The following AFG2A variants were observed in gnomAD, a reference collection of about 807,000 sequenced individuals.
AFG2A encodes the protein AAA ATPase AFG2A, also known as ATPase family gene 2 protein homolog A.
chr4:123,211,070 A>G, the AFG2A span, among the ~76,000 whole-genome samples: 124,376 of 152,114 alleles, frequency 0.82, 51,339 homozygotes, highest in Non-Finnish European at 0.86. Flanking sequence ...ATTTTTCTCA[A>G]TGTCTCCAAA....
the AFG2A span, among the ~76,000 whole-genome samples, chr4:123,115,567 T>A: frequency 6.6e-6 from 1 of 152,070 alleles, no homozygotes; most frequent in Non-Finnish European, 1.5e-5. Context: ...GACCCCTCCA[T>A]GCCAGACCGT....
chr4:122,927,894 T>C, the AFG2A span: 1 of 1,234,748 alleles, frequency 8.1e-7, no homozygotes, highest in Non-Finnish European at 1.1e-6. Context: ...GATTTCAGAT[T>C]TGGGATGCTT....
At chr4:122,990,315 T>C in the AFG2A span, among the ~76,000 whole-genome samples, 1 of 152,204 alleles carries the variant, frequency 6.6e-6, no homozygotes, top group Non-Finnish European at 1.5e-5. Context: ...CTGCCACCTT[T>C]CCATCATCAG....
At chr4:123,041,814 C>T in the AFG2A span, among the ~76,000 whole-genome samples, 8 of 152,128 alleles carry the variant, frequency 5.3e-5, no homozygotes, top group African/African-American at 1.9e-4. Context: ...AGGCGTGATC[C>T]ACTGCATCTG....
the AFG2A span, among the ~76,000 whole-genome samples, chr4:123,126,346 A>G: frequency 0.012 from 1,903 of 152,248 alleles, 38 homozygotes; most frequent in African/African-American, 0.043. Flanking sequence ...AATTGGCTCT[A>G]CAAATCTTTT....
At chr4:122,949,525 T>C in the AFG2A span, among the ~76,000 whole-genome samples, 2 of 152,196 alleles carry the variant, frequency 1.3e-5, no homozygotes, top group South Asian at 4.1e-4. Context: ...GTCTGTTTTC[T>C]TCTGGAGAGA....
chr4:123,171,632 C>T, the AFG2A span, among the ~76,000 whole-genome samples: 1 of 152,066 alleles, frequency 6.6e-6, no homozygotes, highest in African/African-American at 2.4e-5. Context: ...GTTAATTATC[C>T]ATCTTCCCCT....
At chr4:122,983,797 C>A in the AFG2A span, among the ~76,000 whole-genome samples, 1 of 152,196 alleles carries the variant, frequency 6.6e-6, no homozygotes, top group Non-Finnish European at 1.5e-5. Flanking sequence ...AGATGGTTCA[C>A]ATCACAGGAC....
chr4:123,096,366 A>G, the AFG2A span, among the ~76,000 whole-genome samples: 9 of 152,196 alleles, frequency 5.9e-5, no homozygotes, highest in South Asian at 8.3e-4. Flanking sequence ...GAGTTTAGAA[A>G]CAAACAACTA....
chr4:123,259,588 TTCTC>T, the AFG2A span, among the ~76,000 whole-genome samples: 213 of 152,374 alleles, frequency 1.4e-3, no homozygotes, highest in African/African-American at 4.8e-3. Context: ...AGAAGGGAAT[TTCTC>T]TCAGGAGGAA....
At chr4:123,202,069 A>G in the AFG2A span, among the ~76,000 whole-genome samples, 6 of 152,208 alleles carry the variant, frequency 3.9e-5, no homozygotes, top group Non-Finnish European at 2.9e-5. Context: ...TAAACTAGTA[A>G]TTTAATGCTT....
the AFG2A span, among the ~76,000 whole-genome samples, chr4:123,179,284 T>C: frequency 2.0e-5 from 3 of 151,974 alleles, no homozygotes; most frequent in African/African-American, 7.2e-5. Context: ...TCTGCAGTTC[T>C]TAAAATTGTC....
the AFG2A span, among the ~76,000 whole-genome samples, chr4:123,198,829 T>C: frequency 3.5e-4 from 54 of 152,312 alleles, no homozygotes; most frequent in Non-Finnish European, 6.8e-4. Context: ...GGAGTAAGAT[T>C]GTGGTGGGAA....
chr4:123,109,211 G>C, the AFG2A span, among the ~76,000 whole-genome samples: 28 of 152,210 alleles, frequency 1.8e-4, no homozygotes, highest in African/African-American at 6.3e-4. Context: ...TAAACACTAG[G>C]AAATAGATGA....
At chr4:123,052,871 C>A in the AFG2A span, among the ~76,000 whole-genome samples, 2 of 152,282 alleles carry the variant, frequency 1.3e-5, no homozygotes, top group African/African-American at 2.4e-5. Context: ...GACAGTGTAG[C>A]CTTCAGTCTG....
chr4:123,095,667 C>T, the AFG2A span, among the ~76,000 whole-genome samples: 1 of 150,180 alleles, frequency 6.7e-6, no homozygotes, highest in Non-Finnish European at 1.5e-5. Flanking sequence ...AAAGAGGCGA[C>T]GAAGAGTTAA....
the AFG2A span, among the ~76,000 whole-genome samples, chr4:123,118,217 T>G: frequency 6.8e-6 from 1 of 146,258 alleles, no homozygotes; most frequent in Non-Finnish European, 1.5e-5. Flanking sequence ...TTACTTTTAT[T>G]AGTCTCTTGT....
At chr4:123,157,190 A>T in the AFG2A span, among the ~76,000 whole-genome samples, 12 of 143,260 alleles carry the variant, frequency 8.4e-5, no homozygotes, top group African/African-American at 1.3e-4. Flanking sequence ...TAATTTTTGT[A>T]TTTTTTTTTT....
chr4:123,179,787 A>G, the AFG2A span, among the ~76,000 whole-genome samples: 3 of 152,250 alleles, frequency 2.0e-5, no homozygotes, highest in African/African-American at 7.2e-5. Context: ...TACTATAAGA[A>G]TTAGTGCCTT....
Sources: allele counts gnomAD v4.1 joint callset (sites outside exome capture counted in the v4.1 genomes callset), GRCh38; gene constraint gnomAD v4.1.1; transcripts MANE v1.5; gene names NCBI Gene and HGNC (gene_info 2026-07-23, HGNC 2026-07-21).